Variants in CACNG1 observed in about 807,000 individuals in gnomAD.
CACNG1 encodes the protein voltage-dependent calcium channel gamma-1 subunit.
In CACNG1, 21 loss-of-function variants were observed where a neutral mutation model predicts 22.0. That is an observed-to-expected ratio of 0.95 (90% CI 0.68 to 1.37). The LOEUF (loss-of-function observed/expected upper bound fraction) is 1.37, where lower values mean the gene tolerates loss of function less well. Ranked by LOEUF, CACNG1 falls within the 40% of genes most tolerant of loss-of-function variation. The pLI, the probability that CACNG1 is intolerant of heterozygous loss-of-function variation, is 0.00. For missense variants in CACNG1, 291 were observed against 308.6 expected, an observed-to-expected ratio of 0.94 and a Z score of 0.43; for synonymous variants, 127 against 129.2, an observed-to-expected ratio of 0.98 and a Z score of 0.12.
chr17:67,047,387 GGTGT>G (rs2035703514), intron 1 of CACNG1, among the ~76,000 whole-genome samples: 1 of 152,148 alleles, frequency 6.6e-6, no homozygotes, highest in Admixed American at 6.5e-5. Flanking sequence ...TGAGTTCTGT[GGTGT>G]TTTAACTTGC....
chr17:67,052,097 A>G (rs369775985), intron 1 of CACNG1, among the ~76,000 whole-genome samples: 3 of 152,340 alleles, frequency 2.0e-5, no homozygotes, highest in East Asian at 3.9e-4. Flanking sequence ...TGAAGCAGTG[A>G]TTCGAGAGAT....
At position 67,055,230 on chromosome 17, in the gene CACNG1, T is replaced by G. The variant is rs2035754319; in HGVS notation, c.432T>G (p.Tyr144Ter). 6.2e-7 allele frequency: 1 copy of G among 1,613,302 alleles called. No individual in the cohort carries two copies. Among genetic ancestry groups the G allele is most frequent in the Non-Finnish European group, 8.5e-7 (1 of 1,179,390 alleles). Residue 144 changes from tyrosine (Y) to a stop codon, truncating the protein, a stop_gained, in exon 3 of 4, where the codon TAT becomes TAG. Transcript: ENST00000226021. LOFTEE classifies it high-confidence loss of function. This position sits in a 1 kb window ranked among gnomAD's most constrained non-coding sequence, Gnocchi z 4.5. Reference sequence around the variant, plus strand: ...TGCTGCGACCCGCGTCCATGTTCTATGCCTTTGCAGGTAGACTGGGGGATC... The same window carrying G: ...TGCTGCGACCCGCGTCCATGTTCTAGGCCTTTGCAGGTAGACTGGGGGATC... ...DYLLRPASMF[Y>*]AFAGLCILVS...
chr17:67,056,438 C>T lies in CACNG1; in HGVS notation c.*167C>T, dbSNP rs1290295022. The T allele has an allele frequency of 3.0e-5, 19 of 624,672 alleles. No homozygotes were observed. The highest frequency in any genetic ancestry group is 4.5e-5 in the Non-Finnish European group (16 of 358,234). The allele number at this position is 624,672 out of a possible 1,614,324, so 38.7% of individuals were successfully genotyped here. A position where few individuals can be genotyped will look rare whatever the true frequency, so the allele number is the denominator to read the frequency against. ...CTCTCTCTGAGTTCCTCTGGGCTGC[C>T]GCAGGCTCCCCTGGGAATAGAGCAA... is the stretch of plus-strand genomic sequence containing the variant. On this transcript the variant is annotated 3_prime_UTR_variant, in exon 4 of 4. Transcript: ENST00000226021. This position sits in a 1 kb window ranked among gnomAD's most constrained non-coding sequence, Gnocchi z 4.3.
Position 67,055,129 on chromosome 17 carries a change from G to A in CACNG1, c.331G>A (p.Ala111Thr), listed in dbSNP as rs376840748. The change falls in exon 3 of 4, where the codon GCC becomes ACC. Residue 111 changes from alanine to threonine, a missense_variant. By Grantham distance (58) the Ala-to-Thr change is moderately conservative. Coordinates refer to ENST00000226021, the MANE Select transcript of CACNG1 (RefSeq NM_000727.4). The surrounding 1 kb of genome is among the most constrained non-coding windows in gnomAD (Gnocchi z 4.5). ...GTACAGCATCTCGGCAGCCGCCATC[G>A]CCATCTTCAGCCTTGGCTTCATCAT... ...KEYSISAAAI[A>T]IFSLGFIILG... 78 of 1,613,910 alleles carry A rather than the reference G, an allele frequency of 4.8e-5. No homozygotes were observed. Among genetic ancestry groups the A allele is most frequent in the Admixed American group, 2.8e-4 (17 of 59,996 alleles).
chr17:67,054,323 G>T lies in CACNG1; in HGVS notation c.304+253G>T, dbSNP rs2035745633. 6.6e-6 allele frequency among the ~76,000 whole-genome samples: 1 copy of T among 152,156 alleles called. No homozygotes were observed. Among genetic ancestry groups the T allele is most frequent in the African/African-American group, 2.4e-5 (1 of 41,428 alleles). On this transcript the variant is annotated intron_variant, in intron 2 of 3. Coordinates refer to ENST00000226021, the MANE Select transcript of CACNG1 (RefSeq NM_000727.4). The surrounding 1 kb of genome is among the most constrained non-coding windows in gnomAD (Gnocchi z 4.6). ...TTGCAGAAGCAGCACCTCCTGGTAG[G>T]CCCCTACACAAGGGCAGCTGTTGTG...
In CACNG1 at chr17:67,054,653, C is replaced by T. The variant is rs1018826458; in HGVS notation, c.305-450C>T. Among the ~76,000 whole-genome samples the T allele has an allele frequency of 2.9e-4, 44 of 150,074 alleles. No individual in the cohort carries two copies. Among genetic ancestry groups the T allele is most frequent in the Admixed American group, 2.4e-3 (36 of 15,098 alleles). On this transcript the variant is annotated intron_variant, in intron 2 of 3. Coordinates refer to ENST00000226021, the MANE Select transcript of CACNG1 (RefSeq NM_000727.4). The surrounding 1 kb of genome is among the most constrained non-coding windows in gnomAD (Gnocchi z 4.6). ...CACACACAACACAGATACACACACA[C>T]GACACACACAAGACACAGACGCACA...
At chr17:67,049,430 T>G (rs2035715384) in intron 1 of CACNG1, among the ~76,000 whole-genome samples, 1 of 152,256 alleles carries the variant, frequency 6.6e-6, no homozygotes, top group South Asian at 2.1e-4. Context: ...GACCCTAACA[T>G]TCACCGTTTT....
At chr17:67,052,051 G>C (rs2035731110) in intron 1 of CACNG1, among the ~76,000 whole-genome samples, 2 of 152,216 alleles carry the variant, frequency 1.3e-5, no homozygotes, top group South Asian at 4.1e-4. Flanking sequence ...TCCAGAGGGA[G>C]ACACATGGAG....
rs916935298 is a variant in CACNG1, at chr17:67,055,357, C to T, written c.442+117C>T. ...GTGAGGGGCATTTCCCAGGCTCCATCCCCATCCAGGGGCAAACCTGGCCAG... is the reference window on the plus strand; with the variant it reads ...GTGAGGGGCATTTCCCAGGCTCCATTCCCATCCAGGGGCAAACCTGGCCAG... On this transcript the variant is annotated intron_variant, in intron 3 of 3. Coordinates refer to ENST00000226021, the MANE Select transcript of CACNG1 (RefSeq NM_000727.4). The surrounding 1 kb of genome is among the most constrained non-coding windows in gnomAD (Gnocchi z 4.5). 3.9e-6 allele frequency: 5 copies of T among 1,267,876 alleles called. No homozygotes were observed. In the African/African-American group the frequency reaches 7.4e-5, roughly 19 times the overall value. 78.5% of individuals were successfully genotyped at this position (1,267,876 alleles called of 1,614,324 possible).
At chr17:67,051,587 C>T (rs953694101) in intron 1 of CACNG1, among the ~76,000 whole-genome samples, 2 of 152,182 alleles carry the variant, frequency 1.3e-5, no homozygotes, top group Non-Finnish European at 2.9e-5. Flanking sequence ...AGGAATCCTA[C>T]CCACTGGAGG....
intron 1 of CACNG1, among the ~76,000 whole-genome samples, chr17:67,046,417 T>C (rs2035697128): frequency 6.6e-6 from 1 of 152,054 alleles, no homozygotes; most frequent in African/African-American, 2.4e-5. Context: ...CATCCTCCCT[T>C]GTCTCTGCTC....
At position 67,045,427 on chromosome 17, in the gene CACNG1, C is replaced by T. The variant is rs190832794; in HGVS notation, c.229+538C>T. On this transcript the variant is annotated intron_variant, in intron 1 of 3. Transcript: ENST00000226021. ...AGCAGCACATGAAACCACACATGGG[C>T]CCTTGTGGGCTCTGGGCCTGGAGCA... Among the ~76,000 whole-genome samples, 342 of 152,218 alleles carry T rather than the reference C, an allele frequency of 2.2e-3. 1 individual carries two copies. The highest frequency in any genetic ancestry group is 3.9e-3 in the Non-Finnish European group (267 of 67,998).
rs952537308 is a variant in CACNG1, at chr17:67,055,476, T to C, written c.442+236T>C. Among the ~76,000 whole-genome samples, 1 of 152,160 alleles carries C rather than the reference T, an allele frequency of 6.6e-6. No homozygotes were observed. Among genetic ancestry groups the C allele is most frequent in the African/African-American group, 2.4e-5 (1 of 41,440 alleles). On this transcript the variant is annotated intron_variant, in intron 3 of 3. Coordinates refer to ENST00000226021, the MANE Select transcript of CACNG1 (RefSeq NM_000727.4). The surrounding 1 kb of genome is among the most constrained non-coding windows in gnomAD (Gnocchi z 4.5). ...TCAACCCTCAAGGCCCCAAAGAAACTGCCCAGAGAATGATTAACAAAAGAA... is the reference window on the plus strand; with the variant it reads ...TCAACCCTCAAGGCCCCAAAGAAACCGCCCAGAGAATGATTAACAAAAGAA...
chr17:67,053,220 G>A (rs1435946386), intron 1 of CACNG1, among the ~76,000 whole-genome samples: 2 of 152,172 alleles, frequency 1.3e-5, no homozygotes, highest in South Asian at 2.1e-4. Flanking sequence ...TTCAGCCCTC[G>A]TAGGGGTTCC....
At position 67,054,794 on chromosome 17, in the gene CACNG1, A is replaced by G. The variant is rs1263858795; in HGVS notation, c.305-309A>G. ...GACACACAGTGACACACACAGACAC[A>G]CACTGACACACACGTACAATGACAC... On this transcript the variant is annotated intron_variant, in intron 2 of 3. Transcript: ENST00000226021. This position sits in a 1 kb window ranked among gnomAD's most constrained non-coding sequence, Gnocchi z 4.6. Among the ~76,000 whole-genome samples, 1 of 151,808 alleles carries G rather than the reference A, an allele frequency of 6.6e-6. No individual in the cohort carries two copies. Among genetic ancestry groups the G allele is most frequent in the South Asian group, 2.1e-4 (1 of 4,802 alleles).
intron 1 of CACNG1, among the ~76,000 whole-genome samples, chr17:67,051,369 A>G (rs768964365): frequency 2.6e-5 from 4 of 152,178 alleles, no homozygotes; most frequent in Non-Finnish European, 5.9e-5. Flanking sequence ...CCACCCCTAC[A>G]GGGGCCATTA....
chr17:67,044,570 C>G lies in CACNG1; in HGVS notation c.-91C>G. ...TTAGTGGCCACTCCCAGCTCGACAA[C>G]CACTGCCACCCCCCAAGCTCGGCTT... On this transcript the variant is annotated 5_prime_UTR_variant, in exon 1 of 4. Coordinates refer to ENST00000226021, the MANE Select transcript of CACNG1 (RefSeq NM_000727.4). The surrounding 1 kb of genome is among the most constrained non-coding windows in gnomAD (Gnocchi z 6.9). The G allele has an allele frequency of 1.2e-6, 1 of 824,348 alleles. No homozygotes were observed. Among genetic ancestry groups the G allele is most frequent in the South Asian group, 1.5e-5 (1 of 65,320 alleles). 51.1% of individuals were successfully genotyped at this position (824,348 alleles called of 1,614,324 possible).
At position 67,054,963 on chromosome 17, in the gene CACNG1, CAG is replaced by C. The variant is rs1220248860; in HGVS notation, c.305-136_305-135del. 1.4e-5 allele frequency: 12 copies of C among 828,932 alleles called. No individual in the cohort carries two copies. The highest frequency in any genetic ancestry group is 2.2e-5 in the Non-Finnish European group (12 of 539,402). The allele number at this position is 828,932 out of a possible 1,614,324, so 51.3% of individuals were successfully genotyped here. On this transcript the variant is annotated intron_variant, in intron 2 of 3. Coordinates refer to ENST00000226021, the MANE Select transcript of CACNG1 (RefSeq NM_000727.4). The surrounding 1 kb of genome is among the most constrained non-coding windows in gnomAD (Gnocchi z 4.6). ...TACAATGACACACACAAGACAGACA[CAG>C]AGACACACACTTGACACACACACAA...
In CACNG1 at chr17:67,055,169, G is replaced by T. The variant is rs1333686903; in HGVS notation, c.371G>T (p.Cys124Phe). ...GGCTTCATCATCCTGGGCAGCCTCTGTGTCCTCCTGTCCCTCGGGAAGAAG... is the reference window on the plus strand; with the variant it reads ...GGCTTCATCATCCTGGGCAGCCTCTTTGTCCTCCTGTCCCTCGGGAAGAAG... ...SLGFIILGSL[C>F]VLLSLGKKRD... Residue 124 changes from cysteine (C) to phenylalanine (F), a missense_variant, in exon 3 of 4, where the codon TGT becomes TTT. By Grantham distance (205) the Cys-to-Phe change is radical. Coordinates refer to ENST00000226021, the MANE Select transcript of CACNG1 (RefSeq NM_000727.4). This position sits in a 1 kb window ranked among gnomAD's most constrained non-coding sequence, Gnocchi z 4.5. 1 of 1,614,268 alleles carries T rather than the reference G, an allele frequency of 6.2e-7. No individual in the cohort carries two copies. Among genetic ancestry groups the T allele is most frequent in the South Asian group, 1.1e-5 (1 of 91,088 alleles).
Sources: gnomAD v4.1 joint callset for allele counts (sites outside exome capture counted in the v4.1 genomes callset) on GRCh38, gnomAD v4.1.1 for gene constraint, Gnocchi (gnomAD v3.1) non-coding constraint, MANE v1.5 for transcripts, NCBI Gene and HGNC (gene_info 2026-07-23, HGNC 2026-07-21) for gene names.